Variants in TTC28 observed in about 807,000 individuals in gnomAD.
TTC28 encodes the protein tetratricopeptide repeat protein 28.
In TTC28, 61 loss-of-function variants were observed where a neutral mutation model predicts 198.0. That is an observed-to-expected ratio of 0.31 (90% CI 0.25 to 0.38). The LOEUF (loss-of-function observed/expected upper bound fraction) is 0.38. TTC28 is among the 10% of genes least tolerant of loss of function. TTC28 has a pLI of 1.00. For synonymous variants in TTC28, 1,171 were observed against 1,297.8 expected, an observed-to-expected ratio of 0.90 and a Z score of 2.10; for missense variants, 2,678 against 3,164.0, an observed-to-expected ratio of 0.85 and a Z score of 3.69.
intron 2 of TTC28, among the ~76,000 whole-genome samples, chr22:28,314,855 A>T (rs189401061): frequency 6.6e-6 from 1 of 152,272 alleles, no homozygotes; most frequent in Admixed American, 6.5e-5. Flanking sequence ...CCTGGGAAAC[A>T]GAGTGAGACC....
chr22:28,671,045 A>G (rs1443181176), intron 1 of TTC28, among the ~76,000 whole-genome samples: 2 of 152,102 alleles, frequency 1.3e-5, no homozygotes, highest in Non-Finnish European at 2.9e-5. Context: ...GCTGGAGTGC[A>G]GCAGTGTAAT....
Position 28,559,675 on chromosome 22 carries a change from G to A in TTC28, c.381+69877C>T, listed in dbSNP as rs1399115747. Among the ~76,000 whole-genome samples the A allele has an allele frequency of 4.6e-5, 7 of 152,226 alleles. 1 individual carries two copies. The South Asian group carries it at 1.5e-3, about 32-fold the overall frequency. ...ACATAATCTTAGTATTTGACACAACGGGTCATTCTCTCCTTCACTTAGCTT... is the reference window on the plus strand; with the variant it reads ...ACATAATCTTAGTATTTGACACAACAGGTCATTCTCTCCTTCACTTAGCTT... On this transcript the variant is annotated intron_variant, in intron 2 of 22. Transcript: ENST00000397906.
chr22:28,677,175 A>AATATAT (rs143954002), intron 1 of TTC28, among the ~76,000 whole-genome samples: 20 of 69,434 alleles, frequency 2.9e-4, no homozygotes, highest in African/African-American at 1.4e-3. Flanking sequence ...AAAAAAAAAA[A>AATATAT]ATATATATAT....
chr22:28,590,273 G>A (rs898903369), intron 2 of TTC28, among the ~76,000 whole-genome samples: 11 of 150,294 alleles, frequency 7.3e-5, no homozygotes, highest in African/African-American at 1.7e-4. Flanking sequence ...GACTACAGGC[G>A]CCCACCACCA....
intron 6 of TTC28, among the ~76,000 whole-genome samples, chr22:28,150,577 G>T (rs1178511220): frequency 6.6e-6 from 1 of 152,210 alleles, no homozygotes; most frequent in African/African-American, 2.4e-5. Context: ...GATTCCAGAA[G>T]AAAGACCCCA....
intron 2 of TTC28, among the ~76,000 whole-genome samples, chr22:28,609,754 G>A (rs1242317940): frequency 6.6e-6 from 1 of 152,140 alleles, no homozygotes; most frequent in Non-Finnish European, 1.5e-5. Context: ...ACTCCCCCTG[G>A]AAAGGAGGCT....
intron 2 of TTC28, among the ~76,000 whole-genome samples, chr22:28,378,151 T>C (rs893242928): frequency 6.6e-6 from 1 of 152,158 alleles, no homozygotes; most frequent in African/African-American, 2.4e-5. Flanking sequence ...AATACCAGCC[T>C]AGCCAACATG....
At chr22:28,675,384 C>T (rs2051965655) in intron 1 of TTC28, among the ~76,000 whole-genome samples, 1 of 152,238 alleles carries the variant, frequency 6.6e-6, no homozygotes, top group South Asian at 2.1e-4. Flanking sequence ...AAACCAAAAT[C>T]ATGAGCAACA....
intron 5 of TTC28, among the ~76,000 whole-genome samples, chr22:28,231,997 A>G (rs576359620): frequency 7.2e-5 from 11 of 152,206 alleles, no homozygotes; most frequent in Non-Finnish European, 1.5e-4. Context: ...GGAATTATGG[A>G]TAATTTTTAG....
intron 5 of TTC28, among the ~76,000 whole-genome samples, chr22:28,227,646 C>T (rs971584687): frequency 7.3e-5 from 11 of 149,778 alleles, no homozygotes; most frequent in African/African-American, 2.5e-4. Flanking sequence ...TAGGAAAATG[C>T]AAATCAAAAC....
intron 2 of TTC28, among the ~76,000 whole-genome samples, chr22:28,458,935 T>G (rs1450547341): frequency 6.6e-6 from 1 of 151,638 alleles, no homozygotes; most frequent in Non-Finnish European, 1.5e-5. Context: ...TGTGCTCTAG[T>G]TTTATCAGAT....
rs139990248 is a variant in TTC28 at position 28,127,957 on chromosome 22, G to C, written c.1442-19554C>G. Among the ~76,000 whole-genome samples, 6 of 148,392 alleles carry C rather than the reference G, an allele frequency of 4.0e-5. No individual in the cohort carries two copies. The East Asian group carries it at 1.2e-3, about 29-fold the overall frequency. ...TTGCCCAGACTGGTCTCAAACTCAT[G>C]GGCTTAAGTGATCCTCCTGCCTCAG... is the stretch of plus-strand genomic sequence containing the variant. On this transcript the variant is annotated intron_variant, in intron 6 of 22. Transcript: ENST00000397906.
At chr22:28,182,949 A>G (rs1159027937) in intron 5 of TTC28, among the ~76,000 whole-genome samples, 1 of 152,044 alleles carries the variant, frequency 6.6e-6, no homozygotes, top group Non-Finnish European at 1.5e-5. Context: ...TTGGACTAGG[A>G]TCTACTTTTC....
chr22:28,092,996 C>T (rs1230741605), intron 12 of TTC28, among the ~76,000 whole-genome samples: 1 of 152,148 alleles, frequency 6.6e-6, no homozygotes, highest in East Asian at 1.9e-4. Context: ...CAAGCACTGG[C>T]CTGGAAGTCT....
chr22:28,372,149 C>A (rs897350669), intron 2 of TTC28, among the ~76,000 whole-genome samples: 1 of 152,218 alleles, frequency 6.6e-6, no homozygotes, highest in Middle Eastern at 3.4e-3. Context: ...TCAACAATGA[C>A]AGATGATAGA....
At chr22:28,147,192 G>A (rs934336729) in intron 6 of TTC28, among the ~76,000 whole-genome samples, 5 of 152,146 alleles carry the variant, frequency 3.3e-5, no homozygotes, top group East Asian at 1.9e-4. Context: ...AATTTCGGTC[G>A]GGAACAACAT....
rs1348756691 is a variant in TTC28 at position 28,218,766 on chromosome 22, A to T, written c.934-55167T>A. On this transcript the variant is annotated intron_variant, in intron 5 of 22. Coordinates refer to ENST00000397906, the MANE Select transcript of TTC28 (RefSeq NM_001145418.2). Reference sequence around the variant, plus strand: ...TAAAATTAATGCTTATAATAGCTTCATTGAGGACATTTTTAAGTCAAACTG... The same window carrying T: ...TAAAATTAATGCTTATAATAGCTTCTTTGAGGACATTTTTAAGTCAAACTG... 2.6e-5 allele frequency among the ~76,000 whole-genome samples: 4 copies of T among 152,122 alleles called. No homozygotes were observed. The East Asian group carries it at 7.7e-4, about 29-fold the overall frequency.
chr22:28,475,322 T>C (rs1167458778), intron 2 of TTC28, among the ~76,000 whole-genome samples: 1 of 152,042 alleles, frequency 6.6e-6, no homozygotes, highest in African/African-American at 2.4e-5. Context: ...TGCCCTCCCA[T>C]GGCAGGGCAC....
chr22:28,354,061 C>A (rs1013060262), intron 2 of TTC28, among the ~76,000 whole-genome samples: 1 of 152,136 alleles, frequency 6.6e-6, no homozygotes, highest in Non-Finnish European at 1.5e-5. Flanking sequence ...AGAGAAATTG[C>A]AACTGTGGTG....
Sources: allele counts gnomAD v4.1 joint callset (sites outside exome capture counted in the v4.1 genomes callset), GRCh38; gene constraint gnomAD v4.1.1; transcripts MANE v1.5; gene names NCBI Gene and HGNC (gene_info 2026-07-23, HGNC 2026-07-21).